Variants in NEK11 observed in about 807,000 individuals in gnomAD.
NEK11 encodes serine/threonine-protein kinase Nek11.
In NEK11, 72 loss-of-function variants were observed where a neutral mutation model predicts 80.7. The observed-to-expected ratio is 0.89, with a 90% CI of 0.74 to 1.08. The LOEUF (loss-of-function observed/expected upper bound fraction) is 1.08. NEK11 is among the 50% of genes least tolerant of loss of function. The pLI is 0.00. For missense variants in NEK11, 764 were observed against 763.6 expected, an observed-to-expected ratio of 1.00 and a Z score of -0.01; for synonymous variants, 251 against 260.7, an observed-to-expected ratio of 0.96 and a Z score of 0.36.
intron 17 of NEK11, among the ~76,000 whole-genome samples, chr3:131,301,137 G>A (rs1282286924): frequency 1.3e-5 from 2 of 152,076 alleles, no homozygotes; most frequent in African/African-American, 4.8e-5. Context: ...TCTTTCCGTG[G>A]CTATTGTGAA....
At chr3:131,267,964 T>A (rs1353238061) in intron 16 of NEK11, among the ~76,000 whole-genome samples, 2 of 152,250 alleles carry the variant, frequency 1.3e-5, no homozygotes, top group Non-Finnish European at 1.5e-5. Context: ...GGAGGCTTTA[T>A]TCATTCCTTT....
At chr3:131,327,860 T>C (rs1236821356) in intron 17 of NEK11, 1 of 152,198 alleles carries the variant, frequency 6.6e-6, no homozygotes, top group Non-Finnish European at 1.5e-5. Flanking sequence ...CCTATTTCCC[T>C]GTTTTTATTT....
At chr3:131,334,149 A>G (rs1425368264) in intron 17 of NEK11, among the ~76,000 whole-genome samples, 1 of 152,208 alleles carries the variant, frequency 6.6e-6, no homozygotes, top group African/African-American at 2.4e-5. Flanking sequence ...CTCCATCCCA[A>G]ATCAACAGAA....
At chr3:131,313,650 T>G (rs2096804229) in intron 17 of NEK11, among the ~76,000 whole-genome samples, 1 of 152,214 alleles carries the variant, frequency 6.6e-6, no homozygotes, top group South Asian at 2.1e-4. Flanking sequence ...AAGTTTTCAC[T>G]ATGTTATAGA....
In NEK11 at chr3:131,133,968, A is replaced by C; in HGVS notation, c.647+12A>C. On this transcript the variant is annotated intron_variant, in intron 7 of 17. Coordinates refer to ENST00000383366, the MANE Select transcript of NEK11 (RefSeq NM_024800.5). ...AAGTCGGACATCTGGTGAGTGGGCT[A>C]GTGGGCTAGACTCTTCATCTGCTTC... is the stretch of plus-strand genomic sequence containing the variant. The C allele has an allele frequency of 6.2e-7, 1 of 1,604,892 alleles. No individual in the cohort carries two copies. Among genetic ancestry groups the C allele is most frequent in the Non-Finnish European group, 8.5e-7 (1 of 1,175,634 alleles).
intron 12 of NEK11, among the ~76,000 whole-genome samples, chr3:131,167,694 G>A (rs2092354807): frequency 6.6e-6 from 1 of 152,152 alleles, no homozygotes; most frequent in South Asian, 2.1e-4. Context: ...GAACATGGGA[G>A]CTAGACACAA....
At chr3:131,071,006 T>TGG (rs1419926861) in intron 3 of NEK11, among the ~76,000 whole-genome samples, 1 of 152,184 alleles carries the variant, frequency 6.6e-6, no homozygotes, top group South Asian at 2.1e-4. Context: ...AAGCTGAATA[T>TGG]GGGGGGAACA....
chr3:131,137,581 T>C (rs2085865071), intron 7 of NEK11, among the ~76,000 whole-genome samples: 1 of 152,126 alleles, frequency 6.6e-6, no homozygotes, highest in South Asian at 2.1e-4. Context: ...TAAGCACTGG[T>C]GTCAGTATTT....
At chr3:131,162,865 G>A (rs772720905) in intron 11 of NEK11, among the ~76,000 whole-genome samples, 49 of 152,258 alleles carry the variant, frequency 3.2e-4, no homozygotes, top group Middle Eastern at 3.4e-3. Context: ...GTTTCACCCG[G>A]ATTCCCTAGG....
chr3:131,245,756 T>G (rs1228517913), intron 16 of NEK11, among the ~76,000 whole-genome samples: 3 of 152,150 alleles, frequency 2.0e-5, no homozygotes, highest in Non-Finnish European at 4.4e-5. Context: ...GAAAAATGTC[T>G]GTTCATGCAT....
At chr3:131,248,366 A>T (rs1290856828) in intron 16 of NEK11, among the ~76,000 whole-genome samples, 2 of 152,092 alleles carry the variant, frequency 1.3e-5, no homozygotes, top group Non-Finnish European at 2.9e-5. Context: ...TTCTTAAAAA[A>T]TTTATGTGGG....
rs777520965 is a variant in NEK11, at chr3:131,158,668, G to A, written c.962+3547G>A. On this transcript the variant is annotated intron_variant, in intron 10 of 17. Coordinates refer to ENST00000383366, the MANE Select transcript of NEK11 (RefSeq NM_024800.5). ...CAGGACCACATGCACAGTTGCCAGT[G>A]GAGGGCCCCGGCTCCCTGAGCCATT... Among the ~76,000 whole-genome samples, 6 of 152,338 alleles carry A rather than the reference G, an allele frequency of 3.9e-5. No individual in the cohort carries two copies. In the South Asian group the frequency reaches 1.2e-3, roughly 32 times the overall value.
At chr3:131,121,786 A>G (rs2082422338) in intron 5 of NEK11, among the ~76,000 whole-genome samples, 2 of 152,192 alleles carry the variant, frequency 1.3e-5, no homozygotes, top group Admixed American at 1.3e-4. Flanking sequence ...CCTCCAAGCC[A>G]TGCATGGGAT....
rs193105559 is a variant in NEK11 at position 131,043,174 on chromosome 3, G to C, written c.170+13296G>C. ...GATGAGGAAAAACCAGCGCAAAAAG[G>C]CTGAAAATTCCAAAAACCAGAATGC... On this transcript the variant is annotated intron_variant, in intron 3 of 17. Transcript: ENST00000383366. 3.9e-3 allele frequency among the ~76,000 whole-genome samples: 590 copies of C among 152,284 alleles called. 4 individuals are homozygous for C. Among genetic ancestry groups the C allele is most frequent in the African/African-American group, 0.014 (573 of 41,538 alleles).
At chr3:131,302,380 A>G (rs2096671240) in intron 17 of NEK11, among the ~76,000 whole-genome samples, 1 of 152,036 alleles carries the variant, frequency 6.6e-6, no homozygotes, top group Non-Finnish European at 1.5e-5. Flanking sequence ...GATTTTGGTT[A>G]GTTCTTGTCT....
chr3:131,343,928 T>A (rs1158390348), intron 17 of NEK11, among the ~76,000 whole-genome samples: 1 of 152,172 alleles, frequency 6.6e-6, no homozygotes, highest in Non-Finnish European at 1.5e-5. Context: ...CTCTTCCTCA[T>A]TGTCTGGATA....
chr3:131,228,787 A>C, intron 15 of NEK11, 99 bp downstream of exon 15: 1 of 1,231,736 alleles, frequency 8.1e-7, no homozygotes, highest in African/African-American at 1.5e-5. Flanking sequence ...AGTTGGGGAC[A>C]TGGGGAACAG....
At chr3:131,059,010 T>C (rs1344084051) in intron 3 of NEK11, among the ~76,000 whole-genome samples, 9 of 152,218 alleles carry the variant, frequency 5.9e-5, no homozygotes, top group African/African-American at 2.2e-4. Flanking sequence ...TTTATAGTAG[T>C]TCTATCAGGA....
chr3:131,142,299 G>A (rs1431755001), intron 7 of NEK11, among the ~76,000 whole-genome samples: 1 of 152,230 alleles, frequency 6.6e-6, no homozygotes. Flanking sequence ...TACCAGGGGA[G>A]TCAGTCTTAT....
Sources: allele counts gnomAD v4.1 joint callset (sites outside exome capture counted in the v4.1 genomes callset), GRCh38; gene constraint gnomAD v4.1.1; transcripts MANE v1.5; gene names NCBI Gene and HGNC (gene_info 2026-07-23, HGNC 2026-07-21).